Variants in FCHSD2 observed in about 807,000 individuals in gnomAD.
The protein encoded by FCHSD2 is F-BAR and double SH3 domains protein 2.
In FCHSD2, 38 loss-of-function variants were observed where a neutral mutation model predicts 108.1. The observed-to-expected ratio is 0.35, with a 90% CI of 0.27 to 0.46. The LOEUF is 0.46. FCHSD2 is among the 20% of genes least tolerant of loss of function. The pLI is 1.00. For missense variants in FCHSD2, 751 were observed against 897.8 expected (o/e 0.84, Z 2.09); for synonymous variants, 279 against 314.7 (o/e 0.89, Z 1.20).
At chr11:72,998,052 T>C (rs1249709663) in intron 5 of FCHSD2, among the ~76,000 whole-genome samples, 1 of 152,118 alleles carries the variant, frequency 6.6e-6, no homozygotes, top group Admixed American at 6.5e-5. Context: ...AATAAACTTG[T>C]TAAATATTCA....
chr11:72,943,819 G>C (rs1022918592), intron 8 of FCHSD2, among the ~76,000 whole-genome samples: 1 of 152,106 alleles, frequency 6.6e-6, no homozygotes, highest in Non-Finnish European at 1.5e-5. Context: ...GTTTCAGTTA[G>C]CACATCTATA....
intron 4 of FCHSD2, among the ~76,000 whole-genome samples, chr11:73,010,384 T>C (rs1399629695): frequency 6.6e-6 from 1 of 152,246 alleles, no homozygotes; most frequent in East Asian, 1.9e-4. Context: ...GAATTCTTTT[T>C]CCAGGATTTT....
chr11:72,904,949 T>C (rs1487543326), intron 9 of FCHSD2, among the ~76,000 whole-genome samples: 1 of 152,224 alleles, frequency 6.6e-6, no homozygotes, highest in Non-Finnish European at 1.5e-5. Flanking sequence ...TACATTGGAA[T>C]GGGTGTTTTT....
At chr11:73,047,667 G>A (rs975563932) in intron 3 of FCHSD2, among the ~76,000 whole-genome samples, 10 of 152,098 alleles carry the variant, frequency 6.6e-5, no homozygotes, top group Non-Finnish European at 5.9e-5. Flanking sequence ...TTCAGAAATG[G>A]GATTAGAACC....
rs748974353 is a variant in FCHSD2 at position 72,843,431 on chromosome 11, A to G, written c.1527+18T>C. ...TAAAAATGTCACAAGAAAGGGCGAT[A>G]TGAGCAAAGGAATATACCTTTACCC... is the stretch of plus-strand genomic sequence containing the variant. On this transcript the variant is annotated intron_variant, in intron 15 of 19. Transcript: ENST00000409418. The G allele has an allele frequency of 1.2e-5, 20 of 1,607,792 alleles. No homozygotes were observed. The highest frequency in any genetic ancestry group is 1.7e-5 in the Non-Finnish European group (20 of 1,174,314).
In FCHSD2 at chr11:73,102,229, G is replaced by A. The variant is rs531288624; in HGVS notation, c.120-18489C>T. On this transcript the variant is annotated intron_variant, in intron 2 of 19. Transcript: ENST00000409418. The stretch of plus-strand genomic sequence containing the variant: ...GTTAAGAAAATTAACAATTCCAAGT[G>A]CTGATAAGGATTTGGTACAACTAAA... Among the ~76,000 whole-genome samples, 12 of 152,290 alleles carry A rather than the reference G, an allele frequency of 7.9e-5. No individual in the cohort carries two copies. The East Asian group carries it at 2.3e-3, about 29-fold the overall frequency.
intron 11 of FCHSD2, among the ~76,000 whole-genome samples, chr11:72,889,387 A>G (rs1236726025): frequency 6.6e-6 from 1 of 152,212 alleles, no homozygotes; most frequent in Non-Finnish European, 1.5e-5. Context: ...AAACAGGTAA[A>G]TTAATGTATT....
At chr11:72,941,306 T>G (rs1856413719) in intron 8 of FCHSD2, among the ~76,000 whole-genome samples, 1 of 152,012 alleles carries the variant, frequency 6.6e-6, no homozygotes, top group Non-Finnish European at 1.5e-5. Flanking sequence ...ATGAATGGCC[T>G]CAAATAAAAA....
chr11:73,003,839 G>T (rs936176258), intron 4 of FCHSD2, among the ~76,000 whole-genome samples: 5 of 151,510 alleles, frequency 3.3e-5, no homozygotes, highest in African/African-American at 4.8e-5. Flanking sequence ...CAGCGTGGTG[G>T]CTCAAGCCTG....
At chr11:72,869,047 C>T (rs973123038) in intron 12 of FCHSD2, among the ~76,000 whole-genome samples, 1 of 152,048 alleles carries the variant, frequency 6.6e-6, no homozygotes, top group African/African-American at 2.4e-5. Flanking sequence ...GCTGGGATTA[C>T]AGGTGTGTAC....
intron 14 of FCHSD2, among the ~76,000 whole-genome samples, chr11:72,844,836 T>C (rs1861076160): frequency 1.3e-5 from 2 of 152,222 alleles, no homozygotes; most frequent in South Asian, 4.1e-4. Flanking sequence ...TTTATGAACA[T>C]TAAAACATTT....
At chr11:73,097,480 G>A (rs1277821864) in intron 2 of FCHSD2, among the ~76,000 whole-genome samples, 4 of 151,370 alleles carry the variant, frequency 2.6e-5, no homozygotes, top group Non-Finnish European at 5.9e-5. Context: ...GACGGCCTCA[G>A]AATATGTTAG....
intron 2 of FCHSD2, among the ~76,000 whole-genome samples, chr11:73,097,057 T>C (rs1383715658): frequency 7.7e-6 from 1 of 130,278 alleles, no homozygotes; most frequent in African/African-American, 2.8e-5. Flanking sequence ...AGCTGGAGTA[T>C]AGTGGCACAA....
At chr11:73,013,295 C>G (rs1857900231) in intron 4 of FCHSD2, among the ~76,000 whole-genome samples, 1 of 152,142 alleles carries the variant, frequency 6.6e-6, no homozygotes, top group Non-Finnish European at 1.5e-5. Flanking sequence ...CTTAGAATTT[C>G]TTTTACCAAA....
At position 72,941,286 on chromosome 11, in the gene FCHSD2, T is replaced by A. The variant is rs564760860; in HGVS notation, c.706-19336A>T. The stretch of plus-strand genomic sequence containing the variant: ...AGAATGACAGTAAATATTTGTTAAA[T>A]TATGAATTAATGAATGGCCTCAAAT... On this transcript the variant is annotated intron_variant, in intron 8 of 19. Coordinates refer to ENST00000409418, the MANE Select transcript of FCHSD2 (RefSeq NM_014824.3). Among the ~76,000 whole-genome samples the A allele has an allele frequency of 1.2e-4, 19 of 152,248 alleles. No individual in the cohort carries two copies. The East Asian group carries it at 3.7e-3, about 29-fold the overall frequency.
At position 73,142,011 on chromosome 11, in the gene FCHSD2, C is replaced by CTTG. The variant is rs944810520; in HGVS notation, c.-135_-134insCAA. On this transcript the variant is annotated 5_prime_UTR_variant, in exon 1 of 20. Transcript: ENST00000409418. ...AGGAGCGCTTAAGAAGCAAGACTTG[C>CTTG]CCCGGAGGGAGCAGGCCAGCGGGCG... is the stretch of plus-strand genomic sequence containing the variant. 1 of 849,950 alleles carries CTTG rather than the reference C, an allele frequency of 1.2e-6. No homozygotes were observed. Among genetic ancestry groups the CTTG allele is most frequent in the Admixed American group, 2.6e-5 (1 of 38,354 alleles). The allele number at this position is 849,950 out of a possible 1,614,324, so 52.7% of individuals were successfully genotyped here.
At chr11:72,983,166 C>T (rs948657559) in intron 8 of FCHSD2, among the ~76,000 whole-genome samples, 4 of 150,774 alleles carry the variant, frequency 2.7e-5, no homozygotes, top group Non-Finnish European at 4.5e-5. Context: ...TAGTGGCGGG[C>T]GCCTGTAGTC....
chr11:72,888,730 C>T (rs914901104), intron 11 of FCHSD2, among the ~76,000 whole-genome samples: 1 of 151,788 alleles, frequency 6.6e-6, no homozygotes, highest in Admixed American at 6.6e-5. Flanking sequence ...GCAATTCTCC[C>T]CAACCTTAGC....
chr11:72,948,579 T>G (rs1249996612), intron 8 of FCHSD2, among the ~76,000 whole-genome samples: 4 of 152,206 alleles, frequency 2.6e-5, no homozygotes, highest in Non-Finnish European at 5.9e-5. Flanking sequence ...TCAATTTACA[T>G]TATCAATAAT....
Sources: gnomAD v4.1 joint callset for allele counts (sites outside exome capture counted in the v4.1 genomes callset) on GRCh38, gnomAD v4.1.1 for gene constraint, MANE v1.5 for transcripts, NCBI Gene and HGNC (gene_info 2026-07-23, HGNC 2026-07-21) for gene names.